The following NAV2 variants were observed in gnomAD, a reference collection of about 807,000 sequenced individuals.
The protein encoded by NAV2 is helicase, APC down-regulated 1.
In NAV2, 54 loss-of-function variants were observed where a neutral mutation model predicts 223.2. The observed-to-expected ratio is 0.24, with a 90% CI of 0.19 to 0.30. The LOEUF is 0.30. Ranked by LOEUF, NAV2 falls within the 10% of genes least tolerant of loss-of-function variation. The probability of loss-of-function intolerance (pLI) is 1.00; values close to 1 mark genes in which losing one functional copy is unlikely to be tolerated. For missense variants in NAV2, 2,806 were observed against 3,147.5 expected (o/e 0.89, Z 2.60); for synonymous variants, 1,279 against 1,239.3 (o/e 1.03, Z -0.67).
Position 19,832,543 on chromosome 11 carries a change from G to C in NAV2, c.327G>C (p.Arg109Ser), listed in dbSNP as rs2060003481. 4 of 1,614,172 alleles carry C rather than the reference G, an allele frequency of 2.5e-6. No individual in the cohort carries two copies. The highest frequency in any genetic ancestry group is 3.4e-6 in the Non-Finnish European group (4 of 1,180,034). Reference sequence around the variant, plus strand: ...AATCCGGCCACAAGCGTCTCATCAGGGATCTCCAGCAAGATGTGACAGATG... The same window carrying C: ...AATCCGGCCACAAGCGTCTCATCAGCGATCTCCAGCAAGATGTGACAGATG... The part of the protein sequence containing the change: ...LAKSGHKRLI[R>S]DLQQDVTDGV... Residue 109 changes from arginine to serine, a missense_variant, in exon 2 of 38, where the codon AGG (arginine) becomes AGC (serine). By Grantham distance (110) the Arg-to-Ser change is moderately radical. Around this residue, in one of 4 missense-constraint regions of NAV2, gnomAD observed 1,167 missense variants for 1,180.5 expected, o/e 0.99. Transcript: ENST00000349880.
chr11:19,441,616 G>T (rs1454372637), intron 1 of NAV2, among the ~76,000 whole-genome samples: 2 of 152,158 alleles, frequency 1.3e-5, no homozygotes, highest in African/African-American at 2.4e-5. Context: ...CTGTCTTATG[G>T]TGGGCACTTG....
At chr11:19,438,182 C>T (rs1042452016) in intron 1 of NAV2, among the ~76,000 whole-genome samples, 2 of 152,204 alleles carry the variant, frequency 1.3e-5, no homozygotes, top group African/African-American at 4.8e-5. Flanking sequence ...GTGGCCTCAT[C>T]GTTGTGCTTT....
chr11:19,672,569 G>T (rs2048601531), intron 1 of NAV2, among the ~76,000 whole-genome samples: 2 of 152,166 alleles, frequency 1.3e-5, no homozygotes, highest in South Asian at 4.1e-4. Flanking sequence ...CCCTGTAAAT[G>T]CTCTGCAAAT....
rs115286370 is a variant in NAV2, at chr11:19,555,904, A to G, written c.75+204877A>G. ...CAGCTTGGTAGCAGAGCCTGACTAG[A>G]GTTCAGCCTGTGCTTATCACCTGGC... On this transcript the variant is annotated intron_variant, in intron 1 of 37. Transcript: ENST00000360655. 4.6e-3 allele frequency among the ~76,000 whole-genome samples: 695 copies of G among 151,372 alleles called. 4 individuals are homozygous for G. The highest frequency in any genetic ancestry group is 0.016 in the African/African-American group (670 of 41,208).
At chr11:20,081,390 G>C (rs1047818484) in intron 25 of NAV2, among the ~76,000 whole-genome samples, 1 of 152,178 alleles carries the variant, frequency 6.6e-6, no homozygotes, top group Non-Finnish European at 1.5e-5. Flanking sequence ...AAAAATAGTG[G>C]TTATTCCATT....
chr11:19,791,680 G>A (rs559395080), intron 1 of NAV2, among the ~76,000 whole-genome samples: 11 of 152,302 alleles, frequency 7.2e-5, no homozygotes, highest in Non-Finnish European at 1.5e-4. Context: ...GAGTGTTTGG[G>A]TTGGAATCTC....
At chr11:19,834,904 A>G (rs1041998467) in intron 2 of NAV2, among the ~76,000 whole-genome samples, 1 of 152,202 alleles carries the variant, frequency 6.6e-6, no homozygotes, top group African/African-American at 2.4e-5. Flanking sequence ...GGTATCAAAT[A>G]TGACATAAGT....
intron 10 of NAV2, among the ~76,000 whole-genome samples, chr11:19,965,964 G>T (rs2048736962): frequency 1.3e-5 from 2 of 152,222 alleles, no homozygotes; most frequent in African/African-American, 4.8e-5. Flanking sequence ...TGACTTGAAG[G>T]TTAAGATGGC....
In NAV2 at chr11:20,092,257, C is replaced by T; in HGVS notation, c.5704C>T (p.Gln1902Ter). The stretch of plus-strand genomic sequence containing the variant: ...GAATGATCGGCTGAAGTCAGAGTCT[C>T]AAGGCAGTGGCTGCAGCCGGGCTCC... Reference protein sequence around the residue: ...AENDRLKSESQGSGCSRAPSQ... With the variant: ...AENDRLKSES Residue 1902 changes from glutamine to a stop codon, truncating the protein, a stop_gained, in exon 28 of 38, where the codon CAA (glutamine) becomes TAA (stop). Coordinates refer to ENST00000349880, the MANE Select transcript of NAV2 (RefSeq NM_145117.5). LOFTEE classifies it high-confidence loss of function. The T allele has an allele frequency of 6.2e-7, 1 of 1,614,206 alleles. No individual in the cohort carries two copies. The highest frequency in any genetic ancestry group is 8.5e-7 in the Non-Finnish European group (1 of 1,180,024).
chr11:19,816,314 T>G (rs1293167920), intron 1 of NAV2, among the ~76,000 whole-genome samples: 1 of 152,222 alleles, frequency 6.6e-6, no homozygotes, highest in East Asian at 1.9e-4. Context: ...TTCCAGAGTT[T>G]TTTAAAGCCT....
chr11:19,618,989 A>G (rs1245939329), intron 1 of NAV2, among the ~76,000 whole-genome samples: 1 of 142,832 alleles, frequency 7.0e-6, no homozygotes, highest in Non-Finnish European at 1.5e-5. Flanking sequence ...ATTCCCACCT[A>G]TGAGTGAGAA....
rs1159631606 is a variant in NAV2, at chr11:20,119,762, T to C, written c.*1504T>C. 6.6e-6 allele frequency: 1 copy of C among 152,388 alleles called. No individual in the cohort carries two copies. The highest frequency in any genetic ancestry group is 1.9e-4 in the East Asian group (1 of 5,186). 9.4% of individuals were successfully genotyped at this position (152,388 alleles called of 1,614,324 possible). A position where few individuals can be genotyped will look rare whatever the true frequency, so the allele number is the denominator to read the frequency against. On this transcript the variant is annotated 3_prime_UTR_variant, in exon 38 of 38. Transcript: ENST00000349880. ...ATCTGTTCATTAGGAGAACTCAAGT[T>C]GCTGTGACTTTTCTCATCCAAAAGA...
intron 1 of NAV2, among the ~76,000 whole-genome samples, chr11:19,739,128 A>G (rs1317589228): frequency 1.3e-5 from 2 of 152,140 alleles, no homozygotes; most frequent in Non-Finnish European, 2.9e-5. Context: ...GCTGCAGTGA[A>G]CCACGATTGT....
In NAV2 at chr11:19,899,160, T is replaced by C. The variant is rs553900889; in HGVS notation, c.931+6566T>C. ...ATGCTTTCTGGTGGGTTTCCTCCTCTAGTTTTTGTTCTGTGTCATTCCCTT... is the reference window on the plus strand; with the variant it reads ...ATGCTTTCTGGTGGGTTTCCTCCTCCAGTTTTTGTTCTGTGTCATTCCCTT... On this transcript the variant is annotated intron_variant, in intron 6 of 37. Transcript: ENST00000349880. 6.8e-4 allele frequency among the ~76,000 whole-genome samples: 104 copies of C among 152,302 alleles called. 1 individual carries two copies. The highest frequency in any genetic ancestry group is 2.4e-3 in the African/African-American group (98 of 41,582).
At chr11:19,624,395 C>T (rs185442060) in intron 1 of NAV2, among the ~76,000 whole-genome samples, 29 of 152,116 alleles carry the variant, frequency 1.9e-4, no homozygotes, top group African/African-American at 6.5e-4. Context: ...CAGGCCTCCT[C>T]GAGCTGCTCA....
chr11:19,849,618 C>T (rs763866843), intron 3 of NAV2, among the ~76,000 whole-genome samples: 1 of 152,200 alleles, frequency 6.6e-6, no homozygotes, highest in South Asian at 2.1e-4. Context: ...GCCAGAAAGC[C>T]GGCCACATGC....
At chr11:19,351,010 C>T (rs1423576030) in exon 1 of NAV2, 3 of 1,551,656 alleles carry the variant, frequency 1.9e-6, no homozygotes, top group East Asian at 2.4e-5. Context: ...TATCCACGGA[C>T]TGGAAGATCA....
Position 20,050,432 on chromosome 11 carries a change from T to C in NAV2, c.4436+531T>C, listed in dbSNP as rs151099373. On this transcript the variant is annotated intron_variant, in intron 16 of 37. Coordinates refer to ENST00000349880, the MANE Select transcript of NAV2 (RefSeq NM_145117.5). The stretch of plus-strand genomic sequence containing the variant: ...TGCGATGATAATGAAAAAGAATGTG[T>C]AGAGTATTAAGACTTTACAAATGTA... 5.5e-3 allele frequency among the ~76,000 whole-genome samples: 833 copies of C among 152,196 alleles called. 7 individuals carry two copies. Among genetic ancestry groups the C allele is most frequent in the African/African-American group, 0.019 (794 of 41,520 alleles).
intron 7 of NAV2, among the ~76,000 whole-genome samples, chr11:19,936,765 C>A (rs959590719): frequency 2.6e-5 from 4 of 152,206 alleles, no homozygotes; most frequent in Admixed American, 2.6e-4. Context: ...TCTTCCCACA[C>A]CTCCATGAGC....
Sources: gnomAD v4.1 joint callset for allele counts (sites outside exome capture counted in the v4.1 genomes callset) on GRCh38, gnomAD v4.1.1 for gene constraint, gnomAD v4.1.1 regional missense constraint, MANE v1.5 for transcripts, NCBI Gene and HGNC (gene_info 2026-07-23, HGNC 2026-07-21) for gene names.